The following BST1 variants were observed in gnomAD, a reference collection of about 807,000 sequenced individuals.
BST1 encodes bone marrow stromal cell antigen 1, also known as ADP-ribosyl cyclase/cyclic ADP-ribose hydrolase 2.
In BST1, 49 loss-of-function variants were observed where a neutral mutation model predicts 40.6. The ratio of observed to expected loss-of-function variants is 1.21; its 90% CI spans 0.96 to 1.53. The LOEUF (loss-of-function observed/expected upper bound fraction) is 1.53, where lower values mean the gene tolerates loss of function less well. Among genes scored for constraint, BST1 ranks in the 40% most tolerant of loss-of-function variants. The pLI is 0.00. For missense variants in BST1, 423 were observed against 395.9 expected (o/e 1.07, Z -0.58); for synonymous variants, 157 against 159.3 (o/e 0.99, Z 0.11).
downstream of BST1, among the ~76,000 whole-genome samples, chr4:15,740,437 C>T (rs1721716230): frequency 6.6e-6 from 1 of 152,084 alleles, no homozygotes. Context: ...TGGGGGAAAC[C>T]TAACATAGTC....
chr4:15,754,259 C>A, the BST1 span, among the ~76,000 whole-genome samples: 2 of 152,042 alleles, frequency 1.3e-5, no homozygotes, highest in Admixed American at 1.3e-4. Context: ...TGGTGTTCTG[C>A]AGAACAATAG....
At chr4:15,747,640 G>A in the BST1 span, among the ~76,000 whole-genome samples, 1 of 152,154 alleles carries the variant, frequency 6.6e-6, no homozygotes, top group Non-Finnish European at 1.5e-5. Flanking sequence ...AAGCACAGTA[G>A]TAAATAAATC....
chr4:15,731,448 C>T, intron 8 of BST1: 1 of 734,818 alleles, frequency 1.4e-6, no homozygotes, highest in South Asian at 1.4e-5. Context: ...GAACTTGGGG[C>T]AGGGAGTGGA....
intron 8 of BST1, chr4:15,723,517 G>A: frequency 4.1e-6 from 4 of 981,748 alleles, no homozygotes; most frequent in African/African-American, 1.7e-5. Context: ...TAAAGTGCTG[G>A]GATTACAGGC....
the BST1 span, among the ~76,000 whole-genome samples, chr4:15,747,581 C>T: frequency 6.6e-6 from 1 of 152,176 alleles, no homozygotes; most frequent in Admixed American, 6.5e-5. Flanking sequence ...TGTCAGCGAG[C>T]TGTGTTATTC....
At chr4:15,753,877 G>A in the BST1 span, among the ~76,000 whole-genome samples, 4 of 152,212 alleles carry the variant, frequency 2.6e-5, no homozygotes, top group Admixed American at 2.0e-4. Context: ...GAAGGAGAGA[G>A]TCCCATGGAG....
chr4:15,707,896 T>TATAC (rs1719984658), intron 3 of BST1, among the ~76,000 whole-genome samples: 1 of 149,956 alleles, frequency 6.7e-6, no homozygotes, highest in Non-Finnish European at 1.5e-5. Flanking sequence ...TACACATATA[T>TATAC]ATACATATCT....
At chr4:15,741,588 C>T (rs922986268), downstream of BST1, among the ~76,000 whole-genome samples, 2 of 152,166 alleles carry the variant, frequency 1.3e-5, no homozygotes, top group Non-Finnish European at 2.9e-5. Flanking sequence ...GGGGCCCATT[C>T]TGGCTTTTGT....
At chr4:15,748,812 C>G in the BST1 span, among the ~76,000 whole-genome samples, 1 of 152,226 alleles carries the variant, frequency 6.6e-6, no homozygotes, top group Admixed American at 6.5e-5. Context: ...GCTAATTCCA[C>G]ATTCCTTATG....
At chr4:15,746,993 A>T in the BST1 span, among the ~76,000 whole-genome samples, 4 of 152,184 alleles carry the variant, frequency 2.6e-5, no homozygotes, top group Non-Finnish European at 4.4e-5. Context: ...CTCCAAATGC[A>T]CAGGAACTCC....
At chr4:15,737,593 G>GA (rs1560291526), downstream of BST1, among the ~76,000 whole-genome samples, 3 of 152,160 alleles carry the variant, frequency 2.0e-5, no homozygotes, top group African/African-American at 7.2e-5. Context: ...CTTCTACCAA[G>GA]TGAATGAACA....
At chr4:15,738,091 A>G (rs182750026) in exon 7 of BST1, 19 of 235,624 alleles carry the variant, frequency 8.1e-5, no homozygotes, top group Admixed American at 7.2e-4. Flanking sequence ...CCAAGGGTGA[A>G]CCCTCAGGTA....
At chr4:15,721,113 G>A (rs1448016273) in intron 7 of BST1, among the ~76,000 whole-genome samples, 1 of 152,142 alleles carries the variant, frequency 6.6e-6, no homozygotes, top group African/African-American at 2.4e-5. Flanking sequence ...TTGCCCATAG[G>A]CTGTTTCTGT....
chr4:15,705,786 C>G (rs1428809808), intron 2 of BST1, 145 bp downstream of exon 2: 11 of 1,094,546 alleles, frequency 1.0e-5, no homozygotes, highest in Non-Finnish European at 1.4e-5. Context: ...GTGTGCTGAG[C>G]TCTCTGTGGG....
At position 15,703,116 on chromosome 4, in the gene BST1, C is replaced by A; in HGVS notation, c.-29C>A. Reference sequence around the variant, plus strand: ...AAGGAGAGAAGGGGAGTGGAGGAAGCACGGGACTGGAGGGACCAAAGTTCC... The same window carrying A: ...AAGGAGAGAAGGGGAGTGGAGGAAGAACGGGACTGGAGGGACCAAAGTTCC... On this transcript the variant is annotated 5_prime_UTR_variant, in exon 1 of 9. Transcript: ENST00000265016. 1 of 1,555,054 alleles carries A rather than the reference C, an allele frequency of 6.4e-7. No individual in the cohort carries two copies.
intron 8 of BST1, among the ~76,000 whole-genome samples, chr4:15,725,488 T>A (rs1325581163): frequency 6.6e-6 from 1 of 152,160 alleles, no homozygotes; most frequent in Non-Finnish European, 1.5e-5. Context: ...CCTGGGTCTT[T>A]CCTTTCCTCA....
At chr4:15,753,705 G>T in the BST1 span, among the ~76,000 whole-genome samples, 5 of 152,216 alleles carry the variant, frequency 3.3e-5, no homozygotes, top group African/African-American at 1.2e-4. Flanking sequence ...TTGCAGGCAG[G>T]GAGAGTCCAA....
the BST1 span, among the ~76,000 whole-genome samples, chr4:15,746,711 T>C: frequency 6.6e-6 from 1 of 152,200 alleles, no homozygotes; most frequent in East Asian, 1.9e-4. Flanking sequence ...GATGTGGTAT[T>C]GCTCTGGAAT....
At chr4:15,708,961 G>A (rs1720038886) in intron 3 of BST1, among the ~76,000 whole-genome samples, 1 of 152,102 alleles carries the variant, frequency 6.6e-6, no homozygotes, top group East Asian at 1.9e-4. Context: ...AATTTATAGT[G>A]TCTACTATGT....
Sources: allele counts gnomAD v4.1 joint callset (sites outside exome capture counted in the v4.1 genomes callset), GRCh38; gene constraint gnomAD v4.1.1; transcripts MANE v1.5; gene names NCBI Gene and HGNC (gene_info 2026-07-23, HGNC 2026-07-21).